The following FBN1 variants were observed in gnomAD, a reference collection of about 807,000 sequenced individuals.
The protein encoded by FBN1 is fibrillin-1.
FBN1 carries 29 observed loss-of-function variants against 365.1 expected under a neutral mutation model. That is an observed-to-expected ratio of 0.08 (90% CI 0.06 to 0.11). FBN1 has a LOEUF of 0.11. Ranked by LOEUF, FBN1 falls within the 10% of genes least tolerant of loss-of-function variation. The pLI is 1.00. For synonymous variants in FBN1, 1,210 were observed against 1,270.5 expected (o/e 0.95, Z 1.01); for missense variants, 2,476 against 3,703.2 (o/e 0.67, Z 8.60).
intron 15 of FBN1, among the ~76,000 whole-genome samples, chr15:48,506,593 T>A (rs1258567268): frequency 1.3e-5 from 2 of 152,124 alleles, no homozygotes; most frequent in Admixed American, 6.5e-5. Flanking sequence ...CAAAGGGAGG[T>A]AACCTTGGTC....
intron 59 of FBN1, 114 bp downstream of exon 59, chr15:48,425,625 C>T: frequency 6.6e-7 from 1 of 1,526,370 alleles, no homozygotes; most frequent in Non-Finnish European, 9.1e-7. Context: ...TGATGATTGT[C>T]CTGTGCTTTC....
intron 6 of FBN1, among the ~76,000 whole-genome samples, chr15:48,540,742 G>A (rs867212677): frequency 1.8e-4 from 28 of 152,230 alleles, no homozygotes; most frequent in African/African-American, 6.5e-4. Flanking sequence ...ACAAGAAAGA[G>A]AATTTAGGCT....
At chr15:48,577,355 T>C (rs2140681578) in intron 6 of FBN1, among the ~76,000 whole-genome samples, 1 of 152,320 alleles carries the variant, frequency 6.6e-6, no homozygotes, top group East Asian at 1.9e-4. Context: ...AGGGTACATA[T>C]TTACATGAAC....
At chr15:48,642,081 G>A (rs1890207248) in intron 2 of FBN1, 1 of 152,194 alleles carries the variant, frequency 6.6e-6, no homozygotes, top group Non-Finnish European at 1.5e-5. Flanking sequence ...GACATAATGA[G>A]GTTCTATACA....
At chr15:48,600,636 C>G (rs542963196) in intron 4 of FBN1, among the ~76,000 whole-genome samples, 1 of 152,170 alleles carries the variant, frequency 6.6e-6, no homozygotes, top group South Asian at 2.1e-4. Flanking sequence ...CCTGGGGGGG[C>G]AGAGGTTGTA....
Position 48,417,473 on chromosome 15 carries a change from C to CT in FBN1, c.7820-1707dup, listed in dbSNP as rs1555393977. On this transcript the variant is annotated intron_variant, in intron 63 of 65. Coordinates refer to ENST00000316623, the MANE Select transcript of FBN1 (RefSeq NM_000138.5). ...TTTCCTTCCTTCCTTCCTTCCTTTC[C>CT]TTCCTTCCTTCCTTCTCTCCTCCCC... Among the ~76,000 whole-genome samples the CT allele has an allele frequency of 6.0e-3, 622 of 103,812 alleles. 7 individuals are homozygous for CT. Among genetic ancestry groups the CT allele is most frequent in the African/African-American group, 0.026 (600 of 23,392 alleles). The allele number at this position is 103,812 out of a possible 152,430, so 68.1% of individuals were successfully genotyped here.
chr15:48,539,791 T>C (rs1319353959), intron 6 of FBN1, among the ~76,000 whole-genome samples: 1 of 151,510 alleles, frequency 6.6e-6, no homozygotes, highest in Non-Finnish European at 1.5e-5. Flanking sequence ...CTGTTTATCA[T>C]TTGTCTTTTT....
intron 8 of FBN1, among the ~76,000 whole-genome samples, chr15:48,528,799 C>T (rs1402699913): frequency 6.6e-6 from 1 of 152,174 alleles, no homozygotes; most frequent in Non-Finnish European, 1.5e-5. Flanking sequence ...CTCAGTGACA[C>T]ACCCTTTTGC....
At chr15:48,538,584 CTT>C (rs72050382) in intron 6 of FBN1, among the ~76,000 whole-genome samples, 1 of 146,164 alleles carries the variant, frequency 6.8e-6, no homozygotes, top group Admixed American at 6.8e-5. Flanking sequence ...AGATCTGCCT[CTT>C]TTTTTTTTTT....
At chr15:48,527,938 A>C (rs1462702161) in intron 8 of FBN1, among the ~76,000 whole-genome samples, 1 of 152,270 alleles carries the variant, frequency 6.6e-6, no homozygotes, top group East Asian at 1.9e-4. Context: ...TTACCCACGT[A>C]ATATCTCAAG....
At chr15:48,443,448 A>G (rs556172900) in intron 49 of FBN1, among the ~76,000 whole-genome samples, 65 of 152,264 alleles carry the variant, frequency 4.3e-4, no homozygotes, top group Non-Finnish European at 8.5e-4. Flanking sequence ...TATTCTGTTC[A>G]ATTTAGCGAA....
intron 32 of FBN1, among the ~76,000 whole-genome samples, chr15:48,479,969 AT>A (rs370158691): frequency 1.9e-4 from 29 of 152,222 alleles, no homozygotes; most frequent in African/African-American, 7.0e-4. Context: ...TCTATGTTTC[AT>A]TTGACAATAG....
At chr15:48,639,043 A>C (rs537766886) in intron 2 of FBN1, among the ~76,000 whole-genome samples, 1 of 152,334 alleles carries the variant, frequency 6.6e-6, no homozygotes, top group South Asian at 2.1e-4. Flanking sequence ...GGACTAAATA[A>C]TACTGTGTGA....
chr15:48,596,176 G>T, intron 6 of FBN1, 107 bp downstream of exon 6: 3 of 1,003,310 alleles, frequency 3.0e-6, no homozygotes, highest in Non-Finnish European at 4.7e-6. Flanking sequence ...TCCCCTCAAA[G>T]CTCAGCAACA....
chr15:48,473,493 C>T (rs1206859450), intron 34 of FBN1, among the ~76,000 whole-genome samples: 2 of 152,082 alleles, frequency 1.3e-5, no homozygotes, highest in Non-Finnish European at 2.9e-5. Flanking sequence ...AATGACAAGT[C>T]TAATCATGTA....
At chr15:48,556,229 G>T (rs2044179174) in intron 6 of FBN1, among the ~76,000 whole-genome samples, 1 of 152,118 alleles carries the variant, frequency 6.6e-6, no homozygotes. Context: ...TGGAATCCTG[G>T]TAAAGTTTTG....
intron 44 of FBN1, among the ~76,000 whole-genome samples, chr15:48,453,758 A>G (rs2141257350): frequency 6.6e-6 from 1 of 152,200 alleles, no homozygotes; most frequent in Non-Finnish European, 1.5e-5. Context: ...AGGGGTAGGG[A>G]ATATATGATA....
intron 7 of FBN1, among the ~76,000 whole-genome samples, chr15:48,536,033 C>G (rs1394248214): frequency 6.6e-6 from 1 of 152,082 alleles, no homozygotes; most frequent in Non-Finnish European, 1.5e-5. Flanking sequence ...ACCCATTTGC[C>G]CACAGCCCCT....
At chr15:48,474,476 T>A in intron 33 of FBN1, 52 bp downstream of exon 33, 3 of 1,613,704 alleles carry the variant, frequency 1.9e-6, no homozygotes, top group Non-Finnish European at 2.5e-6. Context: ...TATTTTCATA[T>A]GTGTAATCTA....
Sources: allele counts gnomAD v4.1 joint callset (sites outside exome capture counted in the v4.1 genomes callset), GRCh38; gene constraint gnomAD v4.1.1; transcripts MANE v1.5; gene names NCBI Gene and HGNC (gene_info 2026-07-23, HGNC 2026-07-21).